Variants in LARP1B observed in about 807,000 individuals in gnomAD.
LARP1B encodes the protein la-related protein 1B.
A neutral mutation model predicts 114.2 loss-of-function variants in LARP1B; 76 were observed. That is an observed-to-expected ratio of 0.67 (90% CI 0.55 to 0.81). LARP1B has a LOEUF of 0.81. Among genes scored for constraint, LARP1B ranks in the 30% least tolerant of loss-of-function variants. LARP1B has a pLI of 0.00. For synonymous variants in LARP1B, 345 were observed against 348.0 expected, an observed-to-expected ratio of 0.99 and a Z score of 0.10; for missense variants, 1,014 against 1,075.8, an observed-to-expected ratio of 0.94 and a Z score of 0.80.
At chr4:128,121,784 G>A in intron 10 of LARP1B, 42 bp from the exon 11 acceptor site, 1 of 1,344,024 alleles carries the variant, frequency 7.4e-7, no homozygotes, top group African/African-American at 1.5e-5. Flanking sequence ...ATTTAAAAAT[G>A]ATAGAAAGTT....
At chr4:128,065,327 C>CTTTTCTTTTCTTT (rs1561012930) in intron 1 of LARP1B, among the ~76,000 whole-genome samples, 24 of 113,342 alleles carry the variant, frequency 2.1e-4, no homozygotes, top group Non-Finnish European at 3.6e-4. Flanking sequence ...CTCTCTCTCT[C>CTTTTCTTTTCTTT]TCTCTTTCCT....
intron 5 of LARP1B, among the ~76,000 whole-genome samples, chr4:128,089,739 T>TAA (rs1775132884): frequency 6.6e-6 from 1 of 151,826 alleles, no homozygotes; most frequent in Non-Finnish European, 1.5e-5. Flanking sequence ...TTGCATTTCT[T>TAA]ACAGTCCATA....
chr4:128,064,337 TC>T (rs1761608686), intron 1 of LARP1B, among the ~76,000 whole-genome samples: 1 of 151,234 alleles, frequency 6.6e-6, no homozygotes, highest in African/African-American at 2.4e-5. Flanking sequence ...TAACATTTCT[TC>T]AGAGGAACTC....
At chr4:128,107,924 C>G (rs1240912020) in intron 9 of LARP1B, 3 of 1,535,684 alleles carry the variant, frequency 2.0e-6, no homozygotes, top group African/African-American at 1.4e-5. Context: ...GTCATTTGAT[C>G]GGAATATGCA....
rs149344036 is a variant in LARP1B at position 128,173,063 on chromosome 4, A to C, written c.1649-3809A>C. On this transcript the variant is annotated intron_variant, in intron 12 of 19. Coordinates refer to ENST00000326639, the MANE Select transcript of LARP1B (RefSeq NM_018078.4). ...TTATACTGCCTATATATATATTTTA[A>C]TATGCTTATGTTTTTCTGTGCTTTA... is the stretch of plus-strand genomic sequence containing the variant. Among the ~76,000 whole-genome samples, 634 of 151,724 alleles carry C rather than the reference A, an allele frequency of 4.2e-3. 1 individual carries two copies. The highest frequency in any genetic ancestry group is 6.5e-3 in the Non-Finnish European group (439 of 67,926).
At chr4:128,193,893 C>T (rs1272885332) in intron 15 of LARP1B, among the ~76,000 whole-genome samples, 1 of 152,232 alleles carries the variant, frequency 6.6e-6, no homozygotes, top group African/African-American at 2.4e-5. Context: ...GCTGGGATTA[C>T]AGGCGTGAGC....
At position 128,211,766 on chromosome 4, in the gene LARP1B, G is replaced by A. The variant is rs1031326661; in HGVS notation, c.*1713G>A. The A allele has an allele frequency of 5.4e-6, 5 of 922,192 alleles. No individual in the cohort carries two copies. In the Admixed American group the frequency reaches 1.9e-4, roughly 34 times the overall value. The allele number at this position is 922,192 out of a possible 1,614,324, so 57.1% of individuals were successfully genotyped here. On this transcript the variant is annotated 3_prime_UTR_variant, in exon 20 of 20. Transcript: ENST00000326639. ...TGTTGAACACATATATCTGAAACCT[G>A]TATTTAACCAGATATTTCTACTCAA... is the stretch of plus-strand genomic sequence containing the variant.
intron 15 of LARP1B, among the ~76,000 whole-genome samples, chr4:128,191,527 A>G (rs1012288550): frequency 6.6e-6 from 1 of 152,080 alleles, no homozygotes; most frequent in African/African-American, 2.4e-5. Flanking sequence ...CAAACATTGG[A>G]GCACTGCCTG....
At chr4:128,155,240 A>G (rs868212240) in intron 11 of LARP1B, 1 of 359,448 alleles carries the variant, frequency 2.8e-6, no homozygotes, top group Non-Finnish European at 5.0e-6. Flanking sequence ...GATGAACCCT[A>G]TTGCTGAGAA....
intron 11 of LARP1B, among the ~76,000 whole-genome samples, chr4:128,160,596 C>T (rs1056407108): frequency 6.6e-6 from 1 of 151,980 alleles, no homozygotes; most frequent in Non-Finnish European, 1.5e-5. Context: ...ACATACACAA[C>T]TTGTGTTTCC....
At chr4:128,125,221 A>G (rs560279797) in intron 11 of LARP1B, among the ~76,000 whole-genome samples, 1 of 152,332 alleles carries the variant, frequency 6.6e-6, no homozygotes, top group South Asian at 2.1e-4. Context: ...GGTAAAAACC[A>G]TAAACTCAGG....
intron 11 of LARP1B, among the ~76,000 whole-genome samples, chr4:128,137,793 T>TATATATATATATATA (rs1561370550): frequency 1.6e-4 from 5 of 30,516 alleles, no homozygotes; most frequent in African/African-American, 6.8e-4. Flanking sequence ...ATATATATAT[T>TATATATATATATATA]TTTTTTTTAG....
At chr4:128,098,153 A>T (rs748555097) in intron 7 of LARP1B, 33 bp from the exon 8 acceptor site, 1 of 1,534,072 alleles carries the variant, frequency 6.5e-7, no homozygotes, top group Non-Finnish European at 9.0e-7. Flanking sequence ...TTCCTACTAA[A>T]TAAATGGATG....
intron 11 of LARP1B, among the ~76,000 whole-genome samples, chr4:128,133,553 A>G (rs1258188738): frequency 6.6e-6 from 1 of 152,246 alleles, no homozygotes; most frequent in Non-Finnish European, 1.5e-5. Flanking sequence ...TCAAAACATT[A>G]TTATTGAAAA....
chr4:128,139,722 A>G (rs1020288269), intron 11 of LARP1B, among the ~76,000 whole-genome samples: 1 of 152,226 alleles, frequency 6.6e-6, no homozygotes, highest in Non-Finnish European at 1.5e-5. Context: ...TTTACAAAAG[A>G]AGAAGTCTAA....
rs1561158097 is a variant in LARP1B at position 128,091,330 on chromosome 4, T to C, written c.503-17T>C. The C allele has an allele frequency of 6.3e-7, 1 of 1,596,624 alleles. No individual in the cohort carries two copies. On this transcript the variant is annotated splice_polypyrimidine_tract_variant and intron_variant, in intron 6 of 19. Coordinates refer to ENST00000326639, the MANE Select transcript of LARP1B (RefSeq NM_018078.4). ...TCTAATATGTGATTACCTTTCTTTT[T>C]CTTTATTCACATCAAGTGAACTTTG...
At chr4:128,123,657 T>C in intron 11 of LARP1B, 1 of 730,122 alleles carries the variant, frequency 1.4e-6, no homozygotes, top group Non-Finnish European at 1.7e-6. Context: ...CAAAGAAATG[T>C]TCAATTCATG....
At chr4:128,200,902 T>A (rs1263315436) in intron 17 of LARP1B, among the ~76,000 whole-genome samples, 1 of 152,188 alleles carries the variant, frequency 6.6e-6, no homozygotes. Flanking sequence ...ACAATAAACA[T>A]TTGTTAGTTC....
At chr4:128,173,161 T>G (rs1282549440) in intron 12 of LARP1B, among the ~76,000 whole-genome samples, 1 of 152,164 alleles carries the variant, frequency 6.6e-6, no homozygotes, top group Non-Finnish European at 1.5e-5. Context: ...TGGATTCATA[T>G]CTATCTGACC....
Sources: allele counts gnomAD v4.1 joint callset (sites outside exome capture counted in the v4.1 genomes callset), GRCh38; gene constraint gnomAD v4.1.1; transcripts MANE v1.5; gene names NCBI Gene and HGNC (gene_info 2026-07-23, HGNC 2026-07-21).